Variants in FGF12 observed in about 807,000 individuals in gnomAD.
FGF12 encodes the protein fibroblast growth factor 12B.
Under a neutral mutation model 23.6 loss-of-function variants are expected in FGF12, and 14 were observed. That is an observed-to-expected ratio of 0.59 (90% CI 0.39 to 0.93). The LOEUF (loss-of-function observed/expected upper bound fraction) is 0.93, where lower values mean the gene tolerates loss of function less well. Ranked by LOEUF, FGF12 falls within the 40% of genes least tolerant of loss-of-function variation. The pLI is 0.00. For synonymous variants in FGF12, 62 were observed against 77.3 expected (o/e 0.80, Z 1.04); for missense variants, 175 against 217.8 (o/e 0.80, Z 1.24).
chr3:192,540,716 CGAT>C (rs144173052), intron 2 of FGF12, among the ~76,000 whole-genome samples: 2,033 of 152,104 alleles, frequency 0.013, 55 homozygotes, highest in African/African-American at 0.047. Flanking sequence ...GATGATGTGT[CGAT>C]GATGAAAGTG....
At chr3:192,208,908 T>C (rs760308940) in intron 4 of FGF12, among the ~76,000 whole-genome samples, 2 of 152,234 alleles carry the variant, frequency 1.3e-5, no homozygotes, top group Non-Finnish European at 2.9e-5. Flanking sequence ...TTCCTTGTAG[T>C]ACCTTCAGTT....
chr3:192,643,250 G>C (rs993342817), intron 2 of FGF12, among the ~76,000 whole-genome samples: 4 of 144,026 alleles, frequency 2.8e-5, no homozygotes, highest in Non-Finnish European at 6.1e-5. Context: ...TCTCTAGCTA[G>C]CTAGTTAGAA....
intron 4 of FGF12, among the ~76,000 whole-genome samples, chr3:192,297,424 T>C (rs751247377): frequency 2.9e-5 from 4 of 138,892 alleles, no homozygotes; most frequent in South Asian, 4.2e-4. Context: ...GAGTATGCAA[T>C]ATAATTATTT....
Position 192,142,221 on chromosome 3 carries a change from A to C in FGF12, c.*1788T>G, listed in dbSNP as rs983702613. The C allele has an allele frequency of 6.6e-6, 1 of 152,574 alleles. No individual in the cohort carries two copies. Among genetic ancestry groups the C allele is most frequent in the Non-Finnish European group, 1.5e-5 (1 of 67,968 alleles). The allele number at this position is 152,574 out of a possible 1,614,324, so 9.5% of individuals were successfully genotyped here. ...CATTTCATTTTCTGCTAACCTCTAG[A>C]TAACAGAAATAGGATACCTGGTGAA... On this transcript the variant is annotated 3_prime_UTR_variant, in exon 6 of 6. Transcript: ENST00000445105.
intron 2 of FGF12, among the ~76,000 whole-genome samples, chr3:192,586,333 C>T (rs1401850479): frequency 6.6e-6 from 1 of 152,142 alleles, no homozygotes; most frequent in Admixed American, 6.5e-5. Flanking sequence ...TATGAGCTAC[C>T]TAATGAACTC....
chr3:192,597,940 T>C (rs996556554), intron 2 of FGF12, among the ~76,000 whole-genome samples: 4 of 152,168 alleles, frequency 2.6e-5, no homozygotes, highest in Non-Finnish European at 4.4e-5. Context: ...TGTAAATAAA[T>C]GCTCATAAAC....
intron 2 of FGF12, among the ~76,000 whole-genome samples, chr3:192,661,749 C>T (rs1480001689): frequency 6.6e-6 from 1 of 152,116 alleles, no homozygotes; most frequent in Non-Finnish European, 1.5e-5. Flanking sequence ...ATGTTCCAGA[C>T]AAAATGTAAT....
chr3:192,370,525 AGAGT>A (rs1324679075), intron 2 of FGF12, among the ~76,000 whole-genome samples: 3 of 152,010 alleles, frequency 2.0e-5, no homozygotes, highest in African/African-American at 7.3e-5. Context: ...CCTGGGAGAC[AGAGT>A]GAGAACCTGT....
chr3:192,684,073 C>T, intron 2 of FGF12, among the ~76,000 whole-genome samples: 1 of 152,100 alleles, frequency 6.6e-6, no homozygotes, highest in Non-Finnish European at 1.5e-5. Flanking sequence ...CTTGGGAGTG[C>T]CTGCTCTCGA....
intron 5 of FGF12, among the ~76,000 whole-genome samples, chr3:192,154,491 C>T (rs562341316): frequency 0.28 from 38,886 of 139,876 alleles, 7,403 homozygotes; most frequent in Non-Finnish European, 0.39. Flanking sequence ...GATGGGTTTT[C>T]GGTGTGGATG....
intron 2 of FGF12, among the ~76,000 whole-genome samples, chr3:192,627,157 T>C (rs2108652548): frequency 6.6e-6 from 1 of 152,268 alleles, no homozygotes; most frequent in Admixed American, 6.5e-5. Flanking sequence ...GGTTTAGCAA[T>C]TCACCCAATA....
chr3:192,624,345 T>A (rs1462077499), intron 2 of FGF12, among the ~76,000 whole-genome samples: 1 of 152,150 alleles, frequency 6.6e-6, no homozygotes, highest in Non-Finnish European at 1.5e-5. Flanking sequence ...AAATATTAAT[T>A]TACAATTGTC....
chr3:192,426,102 C>T (rs989949731), intron 2 of FGF12, among the ~76,000 whole-genome samples: 8 of 152,198 alleles, frequency 5.3e-5, no homozygotes, highest in Admixed American at 2.6e-4. Flanking sequence ...AACTCTCCCA[C>T]GGCTATACAT....
intron 4 of FGF12, among the ~76,000 whole-genome samples, chr3:192,309,539 A>G (rs1715828102): frequency 6.6e-6 from 1 of 152,148 alleles, no homozygotes; most frequent in Non-Finnish European, 1.5e-5. Flanking sequence ...TACAAACTCA[A>G]CCTAAGGTGG....
At chr3:192,693,976 A>T (rs1019808232) in intron 2 of FGF12, among the ~76,000 whole-genome samples, 2 of 152,160 alleles carry the variant, frequency 1.3e-5, no homozygotes, top group Admixed American at 6.5e-5. Context: ...CAGACTAAAG[A>T]TTGGGAGAAA....
At chr3:192,645,776 A>G (rs1174779729) in intron 2 of FGF12, among the ~76,000 whole-genome samples, 1 of 141,628 alleles carries the variant, frequency 7.1e-6, no homozygotes, top group African/African-American at 3.1e-5. Flanking sequence ...GTAAAAAAAA[A>G]AAAAAAAAAA....
chr3:192,547,911 AT>A (rs752698869), intron 2 of FGF12, among the ~76,000 whole-genome samples: 182 of 152,268 alleles, frequency 1.2e-3, no homozygotes, highest in Non-Finnish European at 2.2e-3. Flanking sequence ...TCCCTTACAA[AT>A]GCTTCCCAAG....
At chr3:192,542,161 C>T (rs1725384593) in intron 2 of FGF12, among the ~76,000 whole-genome samples, 1 of 144,888 alleles carries the variant, frequency 6.9e-6, no homozygotes, top group African/African-American at 2.5e-5. Context: ...GTGTGAGCCA[C>T]CATGCCTGGC....
intron 2 of FGF12, among the ~76,000 whole-genome samples, chr3:192,390,762 A>G (rs2108761237): frequency 6.6e-6 from 1 of 152,326 alleles, no homozygotes; most frequent in Non-Finnish European, 1.5e-5. Context: ...ATATGAAGAG[A>G]TGAGTCAAAG....
Sources: gnomAD v4.1 joint callset for allele counts (sites outside exome capture counted in the v4.1 genomes callset) on GRCh38, gnomAD v4.1.1 for gene constraint, MANE v1.5 for transcripts, NCBI Gene and HGNC (gene_info 2026-07-23, HGNC 2026-07-21) for gene names.